Variants in CDH4 observed in about 807,000 individuals in gnomAD.
CDH4 encodes cadherin 4, also known as cadherin-4.
A neutral mutation model predicts 86.0 loss-of-function variants in CDH4; 33 were observed. That is an observed-to-expected ratio of 0.38 (90% CI 0.29 to 0.51). The LOEUF is 0.51. CDH4 is among the 20% of genes least tolerant of loss of function. The pLI, the probability that CDH4 is intolerant of heterozygous loss-of-function variation, is 0.86. For synonymous variants in CDH4, 555 were observed against 549.4 expected (o/e 1.01, Z -0.14); for missense variants, 1,114 against 1,307.4 (o/e 0.85, Z 2.28).
intron 2 of CDH4, among the ~76,000 whole-genome samples, chr20:61,524,208 A>T (rs903315142): frequency 6.6e-6 from 1 of 152,154 alleles, no homozygotes; most frequent in East Asian, 1.9e-4. Context: ...TTGCTATGGA[A>T]AGGTCCTGTT....
At chr20:61,413,196 C>A (rs1017171275) in intron 2 of CDH4, among the ~76,000 whole-genome samples, 1 of 142,412 alleles carries the variant, frequency 7.0e-6, no homozygotes, top group Non-Finnish European at 1.5e-5. Context: ...CCCCGCCCCC[C>A]ACCCCTGGCC....
intron 2 of CDH4, among the ~76,000 whole-genome samples, chr20:61,268,641 A>G (rs1568774355): frequency 1.3e-5 from 2 of 151,412 alleles, no homozygotes; most frequent in Admixed American, 6.6e-5. Context: ...GTGAGTTCCC[A>G]CTCTGTTAGT....
intron 4 of CDH4, among the ~76,000 whole-genome samples, chr20:61,822,860 G>A (rs911526972): frequency 6.6e-5 from 10 of 152,306 alleles, no homozygotes; most frequent in Admixed American, 2.0e-4. Context: ...CCTTCCTCCC[G>A]TGATCTGTGA....
At chr20:61,648,025 C>T (rs75700056) in intron 2 of CDH4, among the ~76,000 whole-genome samples, 440 of 152,294 alleles carry the variant, frequency 2.9e-3, no homozygotes, top group Non-Finnish European at 4.1e-3. Context: ...GAAGAGGAGA[C>T]GCTTCCCAAT....
intron 2 of CDH4, among the ~76,000 whole-genome samples, chr20:61,424,396 A>C (rs2085199701): frequency 6.6e-6 from 1 of 151,864 alleles, no homozygotes; most frequent in Admixed American, 6.6e-5. Flanking sequence ...ACATATCCAC[A>C]CACAGCACAC....
chr20:61,296,994 G>A (rs1185347512), intron 2 of CDH4, among the ~76,000 whole-genome samples: 1 of 152,174 alleles, frequency 6.6e-6, no homozygotes, highest in African/African-American at 2.4e-5. Flanking sequence ...TTAAGTGAGA[G>A]GGACCCCAGG....
At chr20:61,599,446 G>C (rs2086581166) in intron 2 of CDH4, among the ~76,000 whole-genome samples, 1 of 152,200 alleles carries the variant, frequency 6.6e-6, no homozygotes, top group South Asian at 2.1e-4. Context: ...AGCACCCTGA[G>C]TGTGCACTCA....
chr20:61,520,442 T>C (rs190194333), intron 2 of CDH4, among the ~76,000 whole-genome samples: 60 of 152,294 alleles, frequency 3.9e-4, no homozygotes, highest in African/African-American at 1.4e-3. Context: ...TGTCCTCATC[T>C]GTGAGGTAGA....
intron 2 of CDH4, among the ~76,000 whole-genome samples, chr20:61,573,463 A>G (rs2086359667): frequency 6.6e-6 from 1 of 152,236 alleles, no homozygotes; most frequent in Non-Finnish European, 1.5e-5. Context: ...TAATTAGACC[A>G]CCTGCCAGGG....
chr20:61,638,941 T>C (rs955611913), intron 2 of CDH4, among the ~76,000 whole-genome samples: 6 of 152,142 alleles, frequency 3.9e-5, no homozygotes, highest in Non-Finnish European at 7.3e-5. Flanking sequence ...CGGAGGCCAA[T>C]AGTCACTCAT....
chr20:61,367,618 A>G (rs1232274921), intron 2 of CDH4, among the ~76,000 whole-genome samples: 1 of 152,012 alleles, frequency 6.6e-6, no homozygotes, highest in African/African-American at 2.4e-5. Flanking sequence ...CCTCCAGAAT[A>G]AACAGGAGCC....
At chr20:61,564,115 A>G (rs574884858) in intron 2 of CDH4, among the ~76,000 whole-genome samples, 28 of 152,182 alleles carry the variant, frequency 1.8e-4, no homozygotes, top group African/African-American at 6.0e-4. Flanking sequence ...CCTTTCTCTT[A>G]TAAGGACATC....
intron 4 of CDH4, among the ~76,000 whole-genome samples, chr20:61,777,130 T>C (rs1415935157): frequency 6.8e-6 from 1 of 146,778 alleles, no homozygotes; most frequent in Non-Finnish European, 1.5e-5. Flanking sequence ...GTATTTTCTG[T>C]CTTTATTCAC....
rs748347298 is a variant in CDH4, at chr20:61,746,333, A to T, written c.396+2544A>T. ...GCACAGTGGGCAGTCTCTGCAGCCC[A>T]GGAGACCCGGTCCTCCAGCGCTTTT... On this transcript the variant is annotated intron_variant, in intron 3 of 15. Coordinates refer to ENST00000614565, the MANE Select transcript of CDH4 (RefSeq NM_001794.5). Among the ~76,000 whole-genome samples, 9 of 152,164 alleles carry T rather than the reference A, an allele frequency of 5.9e-5. No individual in the cohort carries two copies. The East Asian group carries it at 1.7e-3, about 29-fold the overall frequency.
rs1162886311 is a variant in CDH4 at position 61,807,671 on chromosome 20, C to T, written c.576+34489C>T. ...GGAGGTAAACAGAAGATTGTGAGAA[C>T]AGCTGGGGAACTGTGGACGGCTCTT... On this transcript the variant is annotated intron_variant, in intron 4 of 15. Transcript: ENST00000614565. The surrounding 1 kb of genome is among the most constrained non-coding windows in gnomAD (Gnocchi z 4.5). Among the ~76,000 whole-genome samples the T allele has an allele frequency of 2.0e-5, 3 of 152,164 alleles. No homozygotes were observed. The highest frequency in any genetic ancestry group is 7.2e-5 in the African/African-American group (3 of 41,438).
Position 61,351,392 on chromosome 20 carries a change from A to G in CDH4, c.169+96455A>G, listed in dbSNP as rs563405381. On this transcript the variant is annotated intron_variant, in intron 2 of 15. Transcript: ENST00000614565. ...CTACGCACACACTGTGCTATTTCGTATCAGGGACTTGGGCGTCTACAGATT... is the reference window on the plus strand; with the variant it reads ...CTACGCACACACTGTGCTATTTCGTGTCAGGGACTTGGGCGTCTACAGATT... Among the ~76,000 whole-genome samples, 86 of 152,252 alleles carry G rather than the reference A, an allele frequency of 5.6e-4. No individual in the cohort carries two copies. The South Asian group carries it at 0.017, about 30-fold the overall frequency.
At chr20:61,375,936 G>GAT (rs1568819215) in intron 2 of CDH4, among the ~76,000 whole-genome samples, 33 of 14,148 alleles carry the variant, frequency 2.3e-3, no homozygotes, top group Non-Finnish European at 3.2e-3. Flanking sequence ...TGGTGATGAT[G>GAT]GTGGTGCTGG....
rs367637471 is a variant in CDH4, at chr20:61,923,381, A to C, written c.1375-70A>C. ...GGGAGGGGTGGAGACCAACCTTCCC[A>C]TGTGTCCCCCCATGCCCACTCCCAC... On this transcript the variant is annotated intron_variant, in intron 9 of 15. Transcript: ENST00000614565. 4.4e-4 allele frequency: 669 copies of C among 1,522,224 alleles called. 3 individuals carry two copies. In the Middle Eastern group the frequency reaches 7.2e-3, roughly 16 times the overall value. 94.3% of individuals were successfully genotyped at this position (1,522,224 alleles called of 1,614,324 possible).
In CDH4 at chr20:61,910,557, A is replaced by G; in HGVS notation, c.1324A>G (p.Ser442Gly). 2 of 1,613,942 alleles carry G rather than the reference A, an allele frequency of 1.2e-6. No individual in the cohort carries two copies. The highest frequency in any genetic ancestry group is 2.2e-5 in the South Asian group (2 of 91,084). Residue 442 changes from serine (S) to glycine (G), a missense_variant, in exon 9 of 16, where the codon AGC (serine) becomes GGC (glycine). Ser to Gly is a moderately conservative substitution (Grantham distance 56). This residue lies in a region of CDH4 where 705 missense variants were observed against 914.1 expected (regional missense o/e 0.77). Transcript: ENST00000614565. ...CAGTGGGGATCCATCCGGGCACTTC[A>G]GCGTCCGCACAGACCCCGTAACCAA... ...IISGDPSGHF[S>G]VRTDPVTNEG...
Sources: gnomAD v4.1 joint callset for allele counts (sites outside exome capture counted in the v4.1 genomes callset) on GRCh38, gnomAD v4.1.1 for gene constraint, gnomAD v4.1.1 regional missense constraint, Gnocchi (gnomAD v3.1) non-coding constraint, MANE v1.5 for transcripts, NCBI Gene and HGNC (gene_info 2026-07-23, HGNC 2026-07-21) for gene names.